Variants in LRRC37A2 observed in about 807,000 individuals in gnomAD.
LRRC37A2 encodes the protein leucine-rich repeat-containing protein 37A2.
Under a neutral mutation model 68.8 loss-of-function variants are expected in LRRC37A2, and 9 were observed. That is an observed-to-expected ratio of 0.13 (90% CI 0.08 to 0.23). The LOEUF (loss-of-function observed/expected upper bound fraction) is 0.23, where lower values mean the gene tolerates loss of function less well. LRRC37A2 is among the 10% of genes least tolerant of loss of function. LRRC37A2 has a pLI of 1.00. For synonymous variants in LRRC37A2, 63 were observed against 367.6 expected (o/e 0.17, Z 9.48); for missense variants, 168 against 950.4 (o/e 0.18, Z 10.82).
the LRRC37A2 span, among the ~76,000 whole-genome samples, chr17:46,847,967 AGTGTGTGT>A: frequency 1.4e-3 from 205 of 149,690 alleles, 2 homozygotes; most frequent in East Asian, 5.7e-3. Context: ...TGATTTCCAA[AGTGTGTGT>A]GTGTGTGTGT....
the LRRC37A2 span, among the ~76,000 whole-genome samples, chr17:46,708,085 A>T: frequency 6.6e-6 from 1 of 151,556 alleles, no homozygotes; most frequent in Non-Finnish European, 1.5e-5. Context: ...GTTGTTATCC[A>T]TTCCTCTGTC....
the LRRC37A2 span, among the ~76,000 whole-genome samples, chr17:46,880,977 G>A: frequency 3.3e-5 from 5 of 152,346 alleles, no homozygotes; most frequent in South Asian, 1.0e-3. Context: ...TCTAATAGGA[G>A]AAATGAGAAG....
the LRRC37A2 span, among the ~76,000 whole-genome samples, chr17:46,944,757 G>A: frequency 1.3e-5 from 2 of 151,852 alleles, no homozygotes; most frequent in African/African-American, 2.4e-5. Flanking sequence ...CCACTACCAC[G>A]CCCGGCTAAT....
At chr17:46,502,163 T>C in the LRRC37A2 span, among the ~76,000 whole-genome samples, 2 of 151,114 alleles carry the variant, frequency 1.3e-5, no homozygotes, top group Admixed American at 6.6e-5. Context: ...AGCATAAAGC[T>C]CATCGCTGAT....
chr17:46,875,765 T>C, the LRRC37A2 span, among the ~76,000 whole-genome samples: 1 of 152,184 alleles, frequency 6.6e-6, no homozygotes, highest in Non-Finnish European at 1.5e-5. Flanking sequence ...TTCTCCATTT[T>C]ATGGGTGGGA....
chr17:46,818,709 A>G, the LRRC37A2 span: 99 of 1,096,074 alleles, frequency 9.0e-5, no homozygotes, highest in East Asian at 2.5e-3. Flanking sequence ...CGGGCTTGTC[A>G]GAAGCGCACC....
the LRRC37A2 span, among the ~76,000 whole-genome samples, chr17:46,771,823 G>A: frequency 6.9e-6 from 1 of 144,276 alleles, no homozygotes; most frequent in African/African-American, 2.5e-5. Context: ...CGCGGCGGCC[G>A]CGCGGTGGGG....
chr17:46,708,982 G>A, the LRRC37A2 span, among the ~76,000 whole-genome samples: 1 of 151,432 alleles, frequency 6.6e-6, no homozygotes, highest in Admixed American at 6.6e-5. Flanking sequence ...GCGCCACCAT[G>A]CCCGACTAAT....
chr17:46,878,565 G>A, the LRRC37A2 span, among the ~76,000 whole-genome samples: 1 of 152,144 alleles, frequency 6.6e-6, no homozygotes, highest in Admixed American at 6.5e-5. Context: ...ATGGGGAGAG[G>A]GCTGGTTTTC....
At chr17:46,923,190 G>A in the LRRC37A2 span, 23 of 1,544,492 alleles carry the variant, frequency 1.5e-5, no homozygotes, top group Non-Finnish European at 1.8e-5. Context: ...CGGGGCCGGC[G>A]ACATGGATCC....
the LRRC37A2 span, among the ~76,000 whole-genome samples, chr17:46,845,068 G>C: frequency 6.6e-6 from 1 of 152,054 alleles, no homozygotes; most frequent in Non-Finnish European, 1.5e-5. Flanking sequence ...AGTCTGGTCT[G>C]GAACTCCTGA....
chr17:46,924,088 C>A, the LRRC37A2 span, among the ~76,000 whole-genome samples: 1 of 152,190 alleles, frequency 6.6e-6, no homozygotes, highest in Non-Finnish European at 1.5e-5. Context: ...AGAACTTTTT[C>A]ATCATCCCAG....
At chr17:46,739,906 G>A in the LRRC37A2 span, among the ~76,000 whole-genome samples, 1 of 151,964 alleles carries the variant, frequency 6.6e-6, no homozygotes, top group Admixed American at 6.6e-5. Context: ...CACCATATTG[G>A]CCAGACTGGT....
At chr17:46,722,422 G>A in the LRRC37A2 span, among the ~76,000 whole-genome samples, 2 of 152,158 alleles carry the variant, frequency 1.3e-5, no homozygotes, top group African/African-American at 4.8e-5. Flanking sequence ...GTACTAGTCT[G>A]GCTAGGGCAG....
the LRRC37A2 span, among the ~76,000 whole-genome samples, chr17:46,735,023 C>A: frequency 6.6e-6 from 1 of 152,160 alleles, no homozygotes; most frequent in African/African-American, 2.4e-5. Flanking sequence ...GCACTCTAGC[C>A]TGAGTGATAG....
At chr17:46,985,472 A>G in the LRRC37A2 span, among the ~76,000 whole-genome samples, 1 of 151,252 alleles carries the variant, frequency 6.6e-6, no homozygotes, top group Admixed American at 6.6e-5. Flanking sequence ...GTGAGCCAAG[A>G]TCGCACCATT....
At chr17:46,761,474 G>A in the LRRC37A2 span, among the ~76,000 whole-genome samples, 2 of 151,890 alleles carry the variant, frequency 1.3e-5, no homozygotes, top group East Asian at 3.9e-4. Context: ...TGGGACTACA[G>A]GCATGCACCA....
the LRRC37A2 span, chr17:46,938,465 G>A: frequency 5.1e-6 from 7 of 1,371,396 alleles, no homozygotes; most frequent in South Asian, 1.2e-5. Context: ...ATTTCTGGCT[G>A]ATATTGCTTT....
At chr17:46,985,536 G>T in the LRRC37A2 span, among the ~76,000 whole-genome samples, 1 of 136,650 alleles carries the variant, frequency 7.3e-6, no homozygotes, top group African/African-American at 2.6e-5. Context: ...AAAAAAAAAA[G>T]AAAATTTAAA....
Sources: allele counts gnomAD v4.1 joint callset (sites outside exome capture counted in the v4.1 genomes callset), GRCh38; gene constraint gnomAD v4.1.1; transcripts MANE v1.5; gene names NCBI Gene and HGNC (gene_info 2026-07-23, HGNC 2026-07-21).